Variants in MACROD2 observed in about 807,000 individuals in gnomAD.
The protein encoded by MACROD2 is ADP-ribose glycohydrolase MACROD2.
Under a neutral mutation model 70.4 loss-of-function variants are expected in MACROD2, and 36 were observed. The observed-to-expected ratio is 0.51, with a 90% confidence interval of 0.39 to 0.68. MACROD2 has a LOEUF of 0.68. Among genes scored for constraint, MACROD2 ranks in the 30% least tolerant of loss-of-function variants. The pLI is 0.00. For synonymous variants in MACROD2, 172 were observed against 178.8 expected, an observed-to-expected ratio of 0.96 and a Z score of 0.30; for missense variants, 496 against 538.4, an observed-to-expected ratio of 0.92 and a Z score of 0.78.
At chr20:14,610,545 T>TA (rs1568697760) in intron 4 of MACROD2, among the ~76,000 whole-genome samples, 1 of 151,914 alleles carries the variant, frequency 6.6e-6, no homozygotes. Flanking sequence ...AGTTATTCTT[T>TA]GAATGGTGAA....
chr20:15,085,690 A>G (rs1312134046), intron 5 of MACROD2, among the ~76,000 whole-genome samples: 1 of 152,044 alleles, frequency 6.6e-6, no homozygotes, highest in Non-Finnish European at 1.5e-5. Flanking sequence ...TTGTTTGGAA[A>G]TGTGATATTC....
chr20:14,806,713 C>G lies in MACROD2; in HGVS notation c.418+121754C>G, dbSNP rs137930489. 8.8e-4 allele frequency among the ~76,000 whole-genome samples: 134 copies of G among 152,202 alleles called. 1 individual carries two copies. Among genetic ancestry groups the G allele is most frequent in the Non-Finnish European group, 1.3e-3 (87 of 68,002 alleles). ...TGGCTTGAAATTCTTGCTGCCAGCA[C>G]AATAGTCTGAAGTTGACCTGGGATG... is the stretch of plus-strand genomic sequence containing the variant. On this transcript the variant is annotated intron_variant, in intron 5 of 17. Transcript: ENST00000684519.
intron 3 of MACROD2, among the ~76,000 whole-genome samples, chr20:14,421,863 A>G (rs1259145217): frequency 6.6e-6 from 1 of 152,098 alleles, no homozygotes; most frequent in Non-Finnish European, 1.5e-5. Flanking sequence ...TTGAAAAATG[A>G]GTAATTTATT....
At chr20:14,101,347 G>A (rs2148678913) in intron 3 of MACROD2, among the ~76,000 whole-genome samples, 1 of 152,168 alleles carries the variant, frequency 6.6e-6, no homozygotes, top group Middle Eastern at 3.4e-3. Flanking sequence ...GAGATAAAAT[G>A]ATGAGAAAAA....
At chr20:14,003,715 G>T (rs1438626262) in intron 2 of MACROD2, 6 of 472,052 alleles carry the variant, frequency 1.3e-5, no homozygotes, top group Non-Finnish European at 2.6e-5. Flanking sequence ...GGTCTCCTTG[G>T]CAGCTGTATT....
chr20:14,872,832 G>T (rs1000689958), intron 5 of MACROD2, among the ~76,000 whole-genome samples: 1 of 152,122 alleles, frequency 6.6e-6, no homozygotes, highest in Non-Finnish European at 1.5e-5. Flanking sequence ...CAGTATGGCT[G>T]GGGAGGCCTC....
At chr20:14,530,701 T>A (rs118040966) in intron 4 of MACROD2, among the ~76,000 whole-genome samples, 188 of 152,370 alleles carry the variant, frequency 1.2e-3, no homozygotes, top group Non-Finnish European at 2.0e-3. Context: ...AAACTGCTGG[T>A]ATCCTTCCAC....
chr20:14,156,107 A>T (rs2055098471), intron 3 of MACROD2, among the ~76,000 whole-genome samples: 1 of 152,196 alleles, frequency 6.6e-6, no homozygotes, highest in African/African-American at 2.4e-5. Flanking sequence ...GGCTGCAGTG[A>T]TCTGTGTTCA....
chr20:14,795,397 G>A (rs923748588), intron 5 of MACROD2, among the ~76,000 whole-genome samples: 8 of 152,168 alleles, frequency 5.3e-5, no homozygotes, highest in East Asian at 1.9e-4. Flanking sequence ...AAGGACTAGC[G>A]AGTAACTTGG....
intron 5 of MACROD2, among the ~76,000 whole-genome samples, chr20:14,956,356 A>T (rs186276578): frequency 1.4e-4 from 22 of 152,298 alleles, no homozygotes; most frequent in African/African-American, 5.1e-4. Context: ...TCATTTGGAT[A>T]TGGGATAGTA....
chr20:14,419,445 A>G (rs2083851465), intron 3 of MACROD2, among the ~76,000 whole-genome samples: 1 of 152,180 alleles, frequency 6.6e-6, no homozygotes, highest in Admixed American at 6.5e-5. Context: ...TGATTTCTGG[A>G]AACATTGTCT....
intron 4 of MACROD2, among the ~76,000 whole-genome samples, chr20:14,676,337 G>A (rs1247036705): frequency 6.6e-6 from 1 of 152,238 alleles, no homozygotes; most frequent in East Asian, 1.9e-4. Flanking sequence ...CTCAGCAAAT[G>A]CAAAAGAACG....
At chr20:15,145,335 A>G (rs2076222556) in intron 5 of MACROD2, among the ~76,000 whole-genome samples, 1 of 152,148 alleles carries the variant, frequency 6.6e-6, no homozygotes, top group Non-Finnish European at 1.5e-5. Flanking sequence ...ATTGAAGTTC[A>G]TCAGGGAGTA....
chr20:14,876,101 G>A (rs553900580), intron 5 of MACROD2, among the ~76,000 whole-genome samples: 11 of 152,224 alleles, frequency 7.2e-5, no homozygotes, highest in Middle Eastern at 3.4e-3. Flanking sequence ...CAAAGTATAA[G>A]CATTCTCTTT....
intron 5 of MACROD2, among the ~76,000 whole-genome samples, chr20:15,089,558 A>T (rs1450673774): frequency 6.6e-6 from 1 of 152,058 alleles, no homozygotes; most frequent in Non-Finnish European, 1.5e-5. Context: ...ATAATCTCTC[A>T]CGTATAGCAT....
chr20:14,719,990 T>G lies in MACROD2; in HGVS notation c.418+35031T>G, dbSNP rs571886396. Among the ~76,000 whole-genome samples, 3 of 152,288 alleles carry G rather than the reference T, an allele frequency of 2.0e-5. No homozygotes were observed. The East Asian group carries it at 5.8e-4, about 29-fold the overall frequency. The stretch of plus-strand genomic sequence containing the variant: ...TATCTCATATCTGGAATTTCACCTT[T>G]TATCTTCCTGGAGGATGACTCCTTA... On this transcript the variant is annotated intron_variant, in intron 5 of 17. Coordinates refer to ENST00000684519, the MANE Select transcript of MACROD2 (RefSeq NM_001351661.2).
intron 8 of MACROD2, among the ~76,000 whole-genome samples, chr20:15,663,078 A>C (rs1425374296): frequency 6.6e-6 from 1 of 152,180 alleles, no homozygotes; most frequent in Non-Finnish European, 1.5e-5. Flanking sequence ...AGCTGGCTGT[A>C]AGACAAACCA....
At chr20:14,622,315 G>A (rs1600468694) in intron 4 of MACROD2, among the ~76,000 whole-genome samples, 1 of 152,076 alleles carries the variant, frequency 6.6e-6, no homozygotes, top group Non-Finnish European at 1.5e-5. Flanking sequence ...TCTGAGATGT[G>A]AGCGGGTAGC....
intron 9 of MACROD2, among the ~76,000 whole-genome samples, chr20:15,871,043 A>G (rs1181541513): frequency 2.0e-5 from 3 of 151,582 alleles, no homozygotes; most frequent in Admixed American, 2.0e-4. Context: ...AGGCGTGGTG[A>G]TAGGCGCCTG....
Sources: gnomAD v4.1 joint callset for allele counts (sites outside exome capture counted in the v4.1 genomes callset) on GRCh38, gnomAD v4.1.1 for gene constraint, MANE v1.5 for transcripts, NCBI Gene and HGNC (gene_info 2026-07-23, HGNC 2026-07-21) for gene names.